ZDHHC15: variants seen among roughly 807,000 people sequenced by gnomAD.
ZDHHC15 encodes the protein zDHHC palmitoyltransferase 15, also known as palmitoyltransferase ZDHHC15.
In ZDHHC15, 19 loss-of-function variants were observed where a neutral mutation model predicts 31.7. That is an observed-to-expected ratio of 0.60 (90% CI 0.42 to 0.88). The LOEUF (loss-of-function observed/expected upper bound fraction) is 0.88. Ranked by LOEUF, ZDHHC15 falls within the 40% of genes least tolerant of loss-of-function variation. ZDHHC15 has a pLI of 0.00. For missense variants in ZDHHC15, 209 were observed against 251.2 expected, an observed-to-expected ratio of 0.83 and a Z score of 1.14; for synonymous variants, 103 against 90.0, an observed-to-expected ratio of 1.14 and a Z score of -0.82.
chrX:75,446,041 C>G (rs1196212420), intron 4 of ZDHHC15, among the ~76,000 whole-genome samples: 4 of 111,584 alleles, frequency 3.6e-5, no homozygotes, highest in African/African-American at 9.8e-5. Flanking sequence ...AGGTAAGGTA[C>G]AAAGTGTGAC....
At chrX:75,453,044 T>G (rs2084150805) in intron 3 of ZDHHC15, among the ~76,000 whole-genome samples, 1 of 111,357 alleles carries the variant, frequency 9.0e-6, no homozygotes, top group Admixed American at 9.6e-5. Context: ...AGAGCAGAAC[T>G]GAAGGAGATA....
chrX:75,415,319 T>C (rs1465345493), intron 10 of ZDHHC15, among the ~76,000 whole-genome samples: 1 of 111,548 alleles, frequency 9.0e-6, no homozygotes, highest in African/African-American at 3.3e-5. Context: ...GAACTTGCAT[T>C]AGATACTAGA....
chrX:75,515,831 A>T (rs1436877184), intron 1 of ZDHHC15, among the ~76,000 whole-genome samples: 2 of 111,870 alleles, frequency 1.8e-5, no homozygotes, highest in East Asian at 2.8e-4. Flanking sequence ...ATATTTAGAA[A>T]ACCCCATCAT....
At chrX:75,464,344 T>G (rs746940922) in intron 3 of ZDHHC15, among the ~76,000 whole-genome samples, 1 of 110,490 alleles carries the variant, frequency 9.1e-6, no homozygotes, top group East Asian at 2.8e-4. Flanking sequence ...AAATGACGAG[T>G]TAATGGGTGC....
At chrX:75,441,734 C>T (rs2083944027) in intron 4 of ZDHHC15, among the ~76,000 whole-genome samples, 1 of 108,819 alleles carries the variant, frequency 9.2e-6, no homozygotes. Flanking sequence ...CGCCATTCTC[C>T]TGCCTTAGCC....
Position 75,417,083 on chromosome X carries a change from T to G in ZDHHC15, c.967+4A>C. 8.3e-7 allele frequency: 1 copy of G among 1,198,627 alleles called. No individual in the cohort carries two copies. Among genetic ancestry groups the G allele is most frequent in the Non-Finnish European group, 1.1e-6 (1 of 884,671 alleles). ...TGGACTTCATAGTCTTTGACCCCAC[T>G]TACCTTGGTTGTCATCCTCGTTGTC... On this transcript the variant is annotated splice_donor_region_variant and intron_variant, in intron 10 of 11. Transcript: ENST00000373367.
rs1418300887 is a variant in ZDHHC15, at chrX:75,513,739, A to T, written c.137-7892T>A. Among the ~76,000 whole-genome samples the T allele has an allele frequency of 2.7e-5, 3 of 111,875 alleles. No individual in the cohort carries two copies. The Admixed American group carries it at 2.9e-4, about 11-fold the overall frequency. On this transcript the variant is annotated intron_variant, in intron 1 of 11. Coordinates refer to ENST00000373367, the MANE Select transcript of ZDHHC15 (RefSeq NM_144969.3). Reference sequence around the variant, plus strand: ...AAACTTCATACATTTGGTAAAAAATATGAATCTAAACATCCAAGAAGTGCA... The same window carrying T: ...AAACTTCATACATTTGGTAAAAAATTTGAATCTAAACATCCAAGAAGTGCA...
intron 11 of ZDHHC15, among the ~76,000 whole-genome samples, chrX:75,374,934 A>G (rs1420135652): frequency 1.8e-5 from 2 of 111,240 alleles, no homozygotes; most frequent in African/African-American, 6.5e-5. Context: ...AAAGTGCAGA[A>G]GAAAACCTTT....
intron 10 of ZDHHC15, among the ~76,000 whole-genome samples, chrX:75,388,456 AT>A (rs1260227693): frequency 4.5e-5 from 5 of 111,921 alleles, no homozygotes; most frequent in African/African-American, 1.6e-4. Context: ...AAATTGTAGA[AT>A]TTTTTTCTTT....
intron 11 of ZDHHC15, among the ~76,000 whole-genome samples, chrX:75,375,569 C>A (rs1248733999): frequency 9.0e-6 from 1 of 111,221 alleles, no homozygotes; most frequent in Admixed American, 9.6e-5. Context: ...CTGTCCTTCC[C>A]CAACTAGTAG....
chrX:75,417,770 G>T lies in ZDHHC15; in HGVS notation c.864-580C>A, dbSNP rs2083565075. ...TTGTGGCTACCTGTGGTAAGCTAGG[G>T]TCAACTCCTTGGGTAATTTCTGGCC... On this transcript the variant is annotated intron_variant, in intron 9 of 11. Transcript: ENST00000373367. 4.5e-5 allele frequency among the ~76,000 whole-genome samples: 5 copies of T among 111,675 alleles called. No homozygotes were observed. In the South Asian group the frequency reaches 1.9e-3, roughly 42 times the overall value.
intron 9 of ZDHHC15, among the ~76,000 whole-genome samples, chrX:75,418,193 G>T (rs1301348022): frequency 9.0e-6 from 1 of 111,680 alleles, no homozygotes; most frequent in Non-Finnish European, 1.9e-5. Context: ...GTTTTGCCTT[G>T]TGATTTATAG....
At chrX:75,455,117 A>C (rs1260821209) in intron 3 of ZDHHC15, among the ~76,000 whole-genome samples, 1 of 111,940 alleles carries the variant, frequency 8.9e-6, no homozygotes, top group Non-Finnish European at 1.9e-5. Context: ...ACTTCAAACT[A>C]TACTACAAGG....
chrX:75,482,747 ACTT>A (rs1243408866), intron 2 of ZDHHC15, among the ~76,000 whole-genome samples: 1 of 110,425 alleles, frequency 9.1e-6, no homozygotes, highest in East Asian at 2.9e-4. Flanking sequence ...AAATATATAA[ACTT>A]CTTATGTTTA....
intron 10 of ZDHHC15, among the ~76,000 whole-genome samples, chrX:75,407,179 G>A (rs780513214): frequency 1.3e-4 from 14 of 109,040 alleles, no homozygotes; most frequent in Middle Eastern, 4.9e-3. Context: ...CTGCCTGGCC[G>A]CGACCCCATC....
At chrX:75,519,012 C>T (rs190563446) in intron 1 of ZDHHC15, among the ~76,000 whole-genome samples, 1 of 107,839 alleles carries the variant, frequency 9.3e-6, no homozygotes, top group African/African-American at 3.4e-5. Flanking sequence ...TCCATAGAGA[C>T]AGAATGCAGA....
intron 2 of ZDHHC15, among the ~76,000 whole-genome samples, chrX:75,495,066 T>C (rs963142244): frequency 9.0e-6 from 1 of 111,026 alleles, no homozygotes; most frequent in South Asian, 3.8e-4. Flanking sequence ...GAATCTACAA[T>C]GAACTTAAAC....
intron 4 of ZDHHC15, among the ~76,000 whole-genome samples, chrX:75,437,245 T>C (rs182032427): frequency 1.7e-3 from 169 of 98,501 alleles, no homozygotes; most frequent in Non-Finnish European, 2.7e-3. Flanking sequence ...TTCTTTGTTG[T>C]TTCTTTGTTG....
chrX:75,407,571 C>G, intron 10 of ZDHHC15, among the ~76,000 whole-genome samples: 1 of 109,621 alleles, frequency 9.1e-6, no homozygotes, highest in Non-Finnish European at 1.9e-5. Flanking sequence ...CCCGCCCGGC[C>G]AGCTGCCCCG....
Sources: gnomAD v4.1 joint callset for allele counts (sites outside exome capture counted in the v4.1 genomes callset) on GRCh38, gnomAD v4.1.1 for gene constraint, MANE v1.5 for transcripts, NCBI Gene and HGNC (gene_info 2026-07-23, HGNC 2026-07-21) for gene names.